CDH18: variants seen among roughly 807,000 people sequenced by gnomAD.
CDH18 encodes cadherin-18.
Under a neutral mutation model 67.9 loss-of-function variants are expected in CDH18, and 31 were observed. The observed-to-expected ratio is 0.46, with a 90% CI of 0.34 to 0.62. The LOEUF (loss-of-function observed/expected upper bound fraction) is 0.62, where lower values mean the gene tolerates loss of function less well. CDH18 is among the 20% of genes least tolerant of loss of function. The pLI, the probability that CDH18 is intolerant of heterozygous loss-of-function variation, is 0.01. For synonymous variants in CDH18, 362 were observed against 347.2 expected (o/e 1.04, Z -0.48); for missense variants, 890 against 975.5 (o/e 0.91, Z 1.17).
intron 2 of CDH18, among the ~76,000 whole-genome samples, chr5:19,858,474 C>T (rs910083939): frequency 1.3e-5 from 2 of 152,072 alleles, no homozygotes; most frequent in African/African-American, 2.4e-5. Context: ...GGCTTGATAG[C>T]GCCAATATAA....
chr5:19,846,647 T>C (rs1782990373), intron 2 of CDH18, among the ~76,000 whole-genome samples: 1 of 152,152 alleles, frequency 6.6e-6, no homozygotes, highest in Non-Finnish European at 1.5e-5. Context: ...CATGACCAAC[T>C]GCTGGACTTG....
chr5:19,606,103 G>A (rs980638114), intron 6 of CDH18, among the ~76,000 whole-genome samples: 8 of 152,078 alleles, frequency 5.3e-5, no homozygotes, highest in East Asian at 1.9e-4. Flanking sequence ...AGAAAGATCC[G>A]GATTCCAGGA....
chr5:20,169,542 A>C (rs912611533), intron 2 of CDH18, among the ~76,000 whole-genome samples: 23 of 152,110 alleles, frequency 1.5e-4, no homozygotes, highest in African/African-American at 5.5e-4. Flanking sequence ...CTTGAAAGTG[A>C]ATTCTCCTTT....
chr5:20,017,055 A>T (rs1737942752), intron 2 of CDH18, among the ~76,000 whole-genome samples: 1 of 152,204 alleles, frequency 6.6e-6, no homozygotes, highest in African/African-American at 2.4e-5. Flanking sequence ...ACATTTTCAA[A>T]ATTTCTTGGA....
At chr5:19,853,190 A>G (rs1048135716) in intron 2 of CDH18, among the ~76,000 whole-genome samples, 1 of 151,988 alleles carries the variant, frequency 6.6e-6, no homozygotes, top group Admixed American at 6.6e-5. Context: ...GGCTGACTTG[A>G]TTTCTGATAA....
chr5:19,960,609 A>ATATATATACACAC (rs1383299694), intron 2 of CDH18, among the ~76,000 whole-genome samples: 8 of 114,344 alleles, frequency 7.0e-5, no homozygotes, highest in African/African-American at 5.4e-4. Flanking sequence ...ATATACACAC[A>ATATATATACACAC]CGTGTATATA....
chr5:19,929,709 A>G (rs1042094883), intron 2 of CDH18, among the ~76,000 whole-genome samples: 1 of 152,146 alleles, frequency 6.6e-6, no homozygotes, highest in African/African-American at 2.4e-5. Context: ...CAATACATCA[A>G]TGCCTTAAAT....
intron 1 of CDH18, chr5:20,575,330 T>C (rs1460930719): frequency 6.6e-6 from 1 of 152,124 alleles, no homozygotes; most frequent in Non-Finnish European, 1.5e-5. Context: ...TATTTCTAAA[T>C]CAACATACTT....
At chr5:19,688,692 TA>T (rs796778128) in intron 5 of CDH18, among the ~76,000 whole-genome samples, 9 of 151,848 alleles carry the variant, frequency 5.9e-5, no homozygotes, top group South Asian at 2.1e-4. Context: ...CAGATTTCAA[TA>T]AAAAAAGTAT....
chr5:20,020,043 G>A (rs145066441), intron 2 of CDH18, among the ~76,000 whole-genome samples: 1,873 of 152,272 alleles, frequency 0.012, 18 homozygotes, highest in Non-Finnish European at 0.021. Context: ...AGCAGAGACT[G>A]GTGGCATTTG....
chr5:20,098,335 G>T (rs1296430323), intron 2 of CDH18, among the ~76,000 whole-genome samples: 1 of 151,878 alleles, frequency 6.6e-6, no homozygotes, highest in Non-Finnish European at 1.5e-5. Flanking sequence ...ATATTCTAAG[G>T]TATACAACAT....
chr5:19,854,818 G>A (rs755431518), intron 2 of CDH18, among the ~76,000 whole-genome samples: 7 of 150,304 alleles, frequency 4.7e-5, no homozygotes, highest in African/African-American at 1.7e-4. Context: ...ATACTAGATC[G>A]TATTCATTCT....
intron 2 of CDH18, among the ~76,000 whole-genome samples, chr5:20,235,663 A>G (rs565465459): frequency 5.3e-5 from 8 of 152,334 alleles, no homozygotes; most frequent in Admixed American, 4.6e-4. Flanking sequence ...GAGAACGTTT[A>G]CACACTATTG....
chr5:19,780,201 T>C (rs940809001), intron 3 of CDH18, among the ~76,000 whole-genome samples: 1 of 152,066 alleles, frequency 6.6e-6, no homozygotes, highest in South Asian at 2.1e-4. Context: ...CCTTCACAAA[T>C]ACAGAAAGTA....
chr5:20,308,079 C>CT (rs759117114), intron 1 of CDH18, among the ~76,000 whole-genome samples: 3,388 of 85,354 alleles, frequency 0.04, 149 homozygotes, highest in African/African-American at 0.08. Context: ...AATACTACTG[C>CT]TTTTTTTTTT....
rs554934653 is a variant in CDH18 at position 20,046,976 on chromosome 5, C to T, written c.-517-54962G>A. 3.3e-5 allele frequency among the ~76,000 whole-genome samples: 5 copies of T among 151,846 alleles called. No homozygotes were observed. The South Asian group carries it at 1.0e-3, about 32-fold the overall frequency. On this transcript the variant is annotated intron_variant, in intron 2 of 14. Transcript: ENST00000507958. ...ATATGTAACTAACCTGCACGTTGTG[C>T]ACATGTACCCTAAAACTTAAAGTAT...
intron 2 of CDH18, among the ~76,000 whole-genome samples, chr5:20,211,367 C>G (rs558160847): frequency 6.6e-6 from 1 of 152,190 alleles, no homozygotes; most frequent in South Asian, 2.1e-4. Context: ...TTAAATGTCC[C>G]TGTCTGACAG....
chr5:20,020,089 T>C (rs1019516539), intron 2 of CDH18, among the ~76,000 whole-genome samples: 1 of 152,126 alleles, frequency 6.6e-6, no homozygotes, highest in African/African-American at 2.4e-5. Flanking sequence ...ACTTTGAACT[T>C]CAGAGAGATG....
intron 2 of CDH18, among the ~76,000 whole-genome samples, chr5:20,208,347 C>T (rs1347387178): frequency 6.6e-6 from 1 of 152,098 alleles, no homozygotes; most frequent in Non-Finnish European, 1.5e-5. Flanking sequence ...TTCACCAGGT[C>T]CATCCCTCAC....
Sources: allele counts gnomAD v4.1 joint callset (sites outside exome capture counted in the v4.1 genomes callset), GRCh38; gene constraint gnomAD v4.1.1; transcripts MANE v1.5; gene names NCBI Gene and HGNC (gene_info 2026-07-23, HGNC 2026-07-21).